Variants in TRPM3 observed in about 807,000 individuals in gnomAD.
TRPM3 encodes long transient receptor potential channel 3.
TRPM3 carries 77 observed loss-of-function variants against 181.2 expected under a neutral mutation model. That is an observed-to-expected ratio of 0.42 (90% confidence interval 0.35 to 0.51). TRPM3 has a LOEUF of 0.51. TRPM3 is among the 20% of genes least tolerant of loss of function. The pLI is 0.01. For missense variants in TRPM3, 1,759 were observed against 2,196.7 expected (o/e 0.80, Z 3.98); for synonymous variants, 745 against 796.4 (o/e 0.94, Z 1.09).
At chr9:70,834,359 G>C (rs1564510164) in intron 5 of TRPM3, among the ~76,000 whole-genome samples, 1 of 152,204 alleles carries the variant, frequency 6.6e-6, no homozygotes, top group Non-Finnish European at 1.5e-5. Context: ...CCAGTCCTGA[G>C]GGGAACCCTT....
rs1025411221 is a variant in TRPM3 at position 70,625,848 on chromosome 9, G to A, written c.1633-331C>T. ...TCCATCAGCTGGGATTTTAGGACTC[G>A]GGTCTCCTTTAATACAAAACCTCTA... is the stretch of plus-strand genomic sequence containing the variant. On this transcript the variant is annotated intron_variant, in intron 12 of 25. Transcript: ENST00000677713. The surrounding 1 kb of genome is among the most constrained non-coding windows in gnomAD (Gnocchi z 4.8). Among the ~76,000 whole-genome samples the A allele has an allele frequency of 3.9e-5, 6 of 152,050 alleles. No homozygotes were observed. Among genetic ancestry groups the A allele is most frequent in the East Asian group, 1.9e-4 (1 of 5,188 alleles).
At chr9:71,051,093 C>T (rs969359970) in intron 1 of TRPM3, among the ~76,000 whole-genome samples, 1 of 152,158 alleles carries the variant, frequency 6.6e-6, no homozygotes, top group Non-Finnish European at 1.5e-5. Flanking sequence ...GATGACTGGG[C>T]TAAACACTGG....
chr9:70,920,788 C>A, intron 1 of TRPM3, among the ~76,000 whole-genome samples: 1 of 152,050 alleles, frequency 6.6e-6, no homozygotes, highest in Admixed American at 6.5e-5. Context: ...ACTATATTAT[C>A]CTTATTTCTT....
chr9:71,301,254 A>G (rs1253896921), intron 1 of TRPM3, among the ~76,000 whole-genome samples: 4 of 152,132 alleles, frequency 2.6e-5, no homozygotes, highest in Non-Finnish European at 5.9e-5. Context: ...AGAGCACCCA[A>G]AGAATGTTTG....
chr9:70,994,340 G>A (rs1010043103), intron 1 of TRPM3, among the ~76,000 whole-genome samples: 3 of 152,134 alleles, frequency 2.0e-5, no homozygotes, highest in Admixed American at 6.5e-5. Flanking sequence ...GTTGCTAGGT[G>A]ACAGGCCTAG....
At chr9:70,693,387 C>T (rs1002478409) in intron 8 of TRPM3, among the ~76,000 whole-genome samples, 1 of 152,140 alleles carries the variant, frequency 6.6e-6, no homozygotes, top group Non-Finnish European at 1.5e-5. Context: ...GTAGACATCC[C>T]TCTGAGAAGG....
intron 9 of TRPM3, among the ~76,000 whole-genome samples, chr9:70,651,180 T>C (rs112263599): frequency 1.3e-5 from 2 of 152,252 alleles, no homozygotes; most frequent in African/African-American, 4.8e-5. Flanking sequence ...AGCAGACACA[T>C]AAAAAGGGAA....
In TRPM3 at chr9:71,133,897, C is replaced by T. The variant is rs1411755879; in HGVS notation, c.184-269386G>A. ...TAAGTGTTCTATGGTTAGTAAGCTG[C>T]TTTGAAAACCACCTCTGCTGCATTC... On this transcript the variant is annotated intron_variant, in intron 1 of 24. Transcript: ENST00000357533. 3.3e-5 allele frequency among the ~76,000 whole-genome samples: 5 copies of T among 152,106 alleles called. No individual in the cohort carries two copies. The East Asian group carries it at 9.7e-4, about 29-fold the overall frequency.
intron 1 of TRPM3, among the ~76,000 whole-genome samples, chr9:71,140,276 A>G (rs1320109451): frequency 6.6e-6 from 1 of 152,214 alleles, no homozygotes; most frequent in African/African-American, 2.4e-5. Flanking sequence ...GAAGAGACTG[A>G]AAGACAAAAA....
chr9:70,539,302 A>G (rs1488127356), intron 25 of TRPM3, among the ~76,000 whole-genome samples: 1 of 151,714 alleles, frequency 6.6e-6, no homozygotes, highest in Non-Finnish European at 1.5e-5. Flanking sequence ...AGACCTATAG[A>G]CTTCTTAAAA....
intron 1 of TRPM3, among the ~76,000 whole-genome samples, chr9:70,976,346 T>C (rs1449671769): frequency 6.6e-6 from 1 of 152,172 alleles, no homozygotes; most frequent in Non-Finnish European, 1.5e-5. Flanking sequence ...CAGCTAGTGA[T>C]TTTTTTACTC....
At chr9:71,039,174 C>T (rs2058546727) in intron 1 of TRPM3, among the ~76,000 whole-genome samples, 1 of 152,132 alleles carries the variant, frequency 6.6e-6, no homozygotes, top group African/African-American at 2.4e-5. Flanking sequence ...ACAATGGACT[C>T]TGAAATCAGA....
intron 1 of TRPM3, among the ~76,000 whole-genome samples, chr9:71,165,728 A>G (rs574594898): frequency 1.3e-5 from 2 of 152,262 alleles, no homozygotes; most frequent in South Asian, 4.1e-4. Context: ...CATGAGAGAG[A>G]GGCATAAATT....
chr9:71,030,295 T>C (rs1265296849), intron 1 of TRPM3, among the ~76,000 whole-genome samples: 1 of 152,206 alleles, frequency 6.6e-6, no homozygotes, highest in Non-Finnish European at 1.5e-5. Flanking sequence ...CCAGGCACTG[T>C]GGCTCACACC....
chr9:70,848,140 G>T (rs922853743), intron 3 of TRPM3, among the ~76,000 whole-genome samples: 1 of 152,044 alleles, frequency 6.6e-6, no homozygotes, highest in Non-Finnish European at 1.5e-5. Context: ...GAGTATAAGA[G>T]TCAGGAGTAA....
chr9:70,571,258 AG>A (rs1312820850), intron 22 of TRPM3, among the ~76,000 whole-genome samples: 1 of 152,196 alleles, frequency 6.6e-6, no homozygotes, highest in Non-Finnish European at 1.5e-5. Flanking sequence ...AACCTTTGGC[AG>A]GTCACACAAG....
intron 1 of TRPM3, among the ~76,000 whole-genome samples, chr9:71,029,970 C>A (rs116281420): frequency 3.9e-5 from 6 of 152,198 alleles, no homozygotes. Context: ...GGTCCAAGTA[C>A]GTGAAATCAC....
At position 71,267,335 on chromosome 9, in the gene TRPM3, A is replaced by C. The variant is rs117589325; in HGVS notation, c.183+179318T>G. Among the ~76,000 whole-genome samples the C allele has an allele frequency of 5.1e-3, 772 of 152,296 alleles. 2 individuals carry two copies. The highest frequency in any genetic ancestry group is 8.7e-3 in the Non-Finnish European group (590 of 68,012). The stretch of plus-strand genomic sequence containing the variant: ...ATAAAAGTTATTCATGTTTACCCTC[A>C]TTCTAGACTGGAAGCACCATGAAGG... On this transcript the variant is annotated intron_variant, in intron 1 of 24. Coordinates refer to the TRPM3 transcript ENST00000357533.
At chr9:70,844,436 AC>A (rs2094857950) in intron 4 of TRPM3, among the ~76,000 whole-genome samples, 2 of 152,026 alleles carry the variant, frequency 1.3e-5, no homozygotes, top group Non-Finnish European at 2.9e-5. Context: ...GGTAAAACAA[AC>A]AAACAAACAA....
Sources: gnomAD v4.1 joint callset for allele counts (sites outside exome capture counted in the v4.1 genomes callset) on GRCh38, gnomAD v4.1.1 for gene constraint, Gnocchi (gnomAD v3.1) non-coding constraint, MANE v1.5 for transcripts, NCBI Gene and HGNC (gene_info 2026-07-23, HGNC 2026-07-21) for gene names.